The following SLC25A21 variants were observed in gnomAD, a reference collection of about 807,000 sequenced individuals.
SLC25A21 encodes the protein mitochondrial 2-oxodicarboxylate carrier.
A neutral mutation model predicts 43.8 loss-of-function variants in SLC25A21; 47 were observed. The observed-to-expected ratio is 1.07, with a 90% CI of 0.85 to 1.37. The LOEUF is 1.37. Among genes scored for constraint, SLC25A21 ranks in the 40% most tolerant of loss-of-function variants. The probability of loss-of-function intolerance (pLI) is 0.00; values close to 1 mark genes in which losing one functional copy is unlikely to be tolerated. For missense variants in SLC25A21, 352 were observed against 350.2 expected, an observed-to-expected ratio of 1.00 and a Z score of -0.04; for synonymous variants, 131 against 121.3, an observed-to-expected ratio of 1.08 and a Z score of -0.52.
intron 1 of SLC25A21, among the ~76,000 whole-genome samples, chr14:37,166,620 T>C (rs72669586): frequency 0.11 from 16,887 of 152,252 alleles, 2,288 homozygotes; most frequent in African/African-American, 0.32. Context: ...ATTTACTCAA[T>C]AAATATTAGC....
intron 2 of SLC25A21, among the ~76,000 whole-genome samples, chr14:36,822,364 T>C (rs959308148): frequency 2.0e-5 from 3 of 152,220 alleles, no homozygotes; most frequent in Admixed American, 6.5e-5. Flanking sequence ...TAGGGAAAGA[T>C]AGATACTTTT....
chr14:36,758,146 C>T (rs1339103604), intron 3 of SLC25A21, among the ~76,000 whole-genome samples: 3 of 152,190 alleles, frequency 2.0e-5, no homozygotes, highest in South Asian at 2.1e-4. Flanking sequence ...GTGGCTCAGA[C>T]CTCACCAACA....
intron 1 of SLC25A21, among the ~76,000 whole-genome samples, chr14:36,934,781 T>C (rs1892379426): frequency 6.6e-6 from 1 of 152,070 alleles, no homozygotes; most frequent in Non-Finnish European, 1.5e-5. Flanking sequence ...TTTTATATGT[T>C]GGTGTCTTTT....
At chr14:36,853,280 A>C (rs1889797825) in intron 2 of SLC25A21, among the ~76,000 whole-genome samples, 1 of 151,234 alleles carries the variant, frequency 6.6e-6, no homozygotes, top group Admixed American at 6.6e-5. Flanking sequence ...GAGCTGCCCC[A>C]GTGAATGCTG....
intron 3 of SLC25A21, among the ~76,000 whole-genome samples, chr14:36,810,456 C>T (rs1045863660): frequency 1.3e-5 from 2 of 152,066 alleles, no homozygotes; most frequent in East Asian, 1.9e-4. Context: ...ATGTAATAAA[C>T]TATGATTTTC....
At chr14:36,939,320 G>A (rs1892500518) in intron 1 of SLC25A21, among the ~76,000 whole-genome samples, 1 of 152,054 alleles carries the variant, frequency 6.6e-6, no homozygotes, top group Admixed American at 6.6e-5. Flanking sequence ...GGGGGGGAAT[G>A]TAAATACGAA....
At chr14:37,136,678 A>G (rs1193697108) in intron 1 of SLC25A21, among the ~76,000 whole-genome samples, 1 of 152,140 alleles carries the variant, frequency 6.6e-6, no homozygotes, top group Non-Finnish European at 1.5e-5. Flanking sequence ...TTGAATGGAT[A>G]CAAAAATTAT....
chr14:36,948,648 T>G lies in SLC25A21; in HGVS notation c.71-73644A>C, dbSNP rs185035309. On this transcript the variant is annotated intron_variant, in intron 1 of 9. Coordinates refer to ENST00000331299, the MANE Select transcript of SLC25A21 (RefSeq NM_030631.4). ...GCTTTCTAATTCTCTATGTCTAAAG[T>G]TATGCTGCCAAATATGTCAGCCACT... Among the ~76,000 whole-genome samples the G allele has an allele frequency of 7.1e-3, 1,081 of 152,258 alleles. 16 individuals are homozygous for G. The highest frequency in any genetic ancestry group is 0.024 in the African/African-American group (998 of 41,554).
intron 1 of SLC25A21, among the ~76,000 whole-genome samples, chr14:36,892,292 A>G (rs1362009273): frequency 1.3e-5 from 2 of 152,200 alleles, no homozygotes; most frequent in Admixed American, 1.3e-4. Flanking sequence ...TGTTGAAAAC[A>G]TATCTGAACT....
At chr14:36,739,130 C>A (rs1885154153) in intron 3 of SLC25A21, among the ~76,000 whole-genome samples, 2 of 151,902 alleles carry the variant, frequency 1.3e-5, no homozygotes, top group African/African-American at 4.8e-5. Context: ...ACAGCAATAC[C>A]TTATCATTTC....
intron 1 of SLC25A21, among the ~76,000 whole-genome samples, chr14:37,064,190 C>T (rs951510303): frequency 2.0e-5 from 3 of 152,118 alleles, no homozygotes; most frequent in African/African-American, 7.2e-5. Flanking sequence ...CCTTCTTCTC[C>T]TCCCTTGGAC....
At chr14:36,984,358 C>T (rs573743725) in intron 1 of SLC25A21, among the ~76,000 whole-genome samples, 14 of 152,186 alleles carry the variant, frequency 9.2e-5, no homozygotes, top group African/African-American at 3.4e-4. Flanking sequence ...AAATAGTTTG[C>T]CCCCAAAAGG....
intron 1 of SLC25A21, among the ~76,000 whole-genome samples, chr14:37,152,249 A>C (rs1308775564): frequency 6.6e-6 from 1 of 152,188 alleles, no homozygotes; most frequent in Non-Finnish European, 1.5e-5. Flanking sequence ...AAAAAGAATG[A>C]ATGAAAAGAC....
intron 3 of SLC25A21, among the ~76,000 whole-genome samples, chr14:36,783,359 T>C (rs1849918358): frequency 6.6e-6 from 1 of 152,112 alleles, no homozygotes; most frequent in Non-Finnish European, 1.5e-5. Context: ...GCAAGCCCCC[T>C]GATAGATTCC....
chr14:36,751,526 G>A (rs141063690), intron 3 of SLC25A21, among the ~76,000 whole-genome samples: 23 of 152,238 alleles, frequency 1.5e-4, no homozygotes, highest in African/African-American at 4.3e-4. Context: ...TGAGAATTAC[G>A]TACTAATCTT....
chr14:36,920,647 T>C (rs1891955515), intron 1 of SLC25A21, among the ~76,000 whole-genome samples: 1 of 152,078 alleles, frequency 6.6e-6, no homozygotes, highest in African/African-American at 2.4e-5. Flanking sequence ...AACATTTTTA[T>C]TATTTTTACC....
chr14:36,904,655 A>G (rs1891486680), intron 1 of SLC25A21, among the ~76,000 whole-genome samples: 1 of 152,206 alleles, frequency 6.6e-6, no homozygotes, highest in Admixed American at 6.5e-5. Context: ...CAATCATGGC[A>G]AAAGGAAAAG....
intron 2 of SLC25A21, among the ~76,000 whole-genome samples, chr14:36,874,481 G>C (rs1277267388): frequency 3.3e-5 from 5 of 152,148 alleles, no homozygotes; most frequent in Admixed American, 3.3e-4. Context: ...TGCCCCTGCA[G>C]TTTCCTGAAA....
intron 3 of SLC25A21, among the ~76,000 whole-genome samples, chr14:36,757,988 T>C (rs1479991394): frequency 6.6e-6 from 1 of 152,192 alleles, no homozygotes; most frequent in Admixed American, 6.5e-5. Flanking sequence ...CGCAAGAGGA[T>C]GGAGATTAAT....
Sources: allele counts gnomAD v4.1 joint callset (sites outside exome capture counted in the v4.1 genomes callset), GRCh38; gene constraint gnomAD v4.1.1; transcripts MANE v1.5; gene names NCBI Gene and HGNC (gene_info 2026-07-23, HGNC 2026-07-21).